ARNT2: variants seen among roughly 807,000 people sequenced by gnomAD.
The protein encoded by ARNT2 is aryl hydrocarbon receptor nuclear translocator 2.
ARNT2 carries 36 observed loss-of-function variants against 91.7 expected under a neutral mutation model. That is an observed-to-expected ratio of 0.39 (90% confidence interval 0.30 to 0.52). The LOEUF (loss-of-function observed/expected upper bound fraction) is 0.52, where lower values mean the gene tolerates loss of function less well. Among genes scored for constraint, ARNT2 ranks in the 20% least tolerant of loss-of-function variants. ARNT2 has a pLI of 0.72. For synonymous variants in ARNT2, 365 were observed against 347.1 expected, an observed-to-expected ratio of 1.05 and a Z score of -0.57; for missense variants, 775 against 939.3, an observed-to-expected ratio of 0.83 and a Z score of 2.29.
At chr15:80,532,959 G>C (rs559364038) in intron 8 of ARNT2, among the ~76,000 whole-genome samples, 1 of 152,332 alleles carries the variant, frequency 6.6e-6, no homozygotes, top group South Asian at 2.1e-4. Context: ...GAAGAGGAGA[G>C]AGTGGTGGGA....
At chr15:80,450,722 T>C (rs1242495137) in intron 1 of ARNT2, among the ~76,000 whole-genome samples, 158 bp from the exon 2 acceptor site, 1 of 152,244 alleles carries the variant, frequency 6.6e-6, no homozygotes, top group Non-Finnish European at 1.5e-5. Flanking sequence ...AGGAAAGACT[T>C]GCCCCAGCCA....
intron 5 of ARNT2, among the ~76,000 whole-genome samples, chr15:80,494,561 A>G (rs1043832136): frequency 1.3e-5 from 2 of 152,220 alleles, no homozygotes; most frequent in African/African-American, 4.8e-5. Flanking sequence ...ACTTTTGTCT[A>G]CAGATTAAAT....
At chr15:80,439,728 A>G (rs1313932924) in intron 1 of ARNT2, among the ~76,000 whole-genome samples, 1 of 152,018 alleles carries the variant, frequency 6.6e-6, no homozygotes, top group South Asian at 2.1e-4. Context: ...CCTACCTTTC[A>G]TATCCTCAGC....
At chr15:80,483,568 G>A (rs1425204804) in intron 5 of ARNT2, among the ~76,000 whole-genome samples, 1 of 152,176 alleles carries the variant, frequency 6.6e-6, no homozygotes, top group Non-Finnish European at 1.5e-5. Context: ...AGCAGCCTTA[G>A]GAACCTCACC....
intron 1 of ARNT2, among the ~76,000 whole-genome samples, chr15:80,439,682 A>G (rs745473918): frequency 1.3e-5 from 2 of 152,142 alleles, no homozygotes; most frequent in African/African-American, 2.4e-5. Context: ...CTGCCTTTGG[A>G]CAGTCAACAT....
At chr15:80,433,310 G>A (rs1473325154) in intron 1 of ARNT2, among the ~76,000 whole-genome samples, 1 of 81,488 alleles carries the variant, frequency 1.2e-5, no homozygotes, top group Admixed American at 1.2e-4. Context: ...TTTTGAGACC[G>A]AGTCTTGCTC....
intron 11 of ARNT2, chr15:80,555,394 G>T (rs1898162961): frequency 2.2e-6 from 1 of 450,716 alleles, no homozygotes; most frequent in Non-Finnish European, 4.0e-6. Flanking sequence ...AGAGGCTGGA[G>T]AGGTTAACTG....
intron 14 of ARNT2, among the ~76,000 whole-genome samples, 175 bp from the exon 15 acceptor site, chr15:80,576,691 T>C (rs1898681837): frequency 6.6e-6 from 1 of 152,138 alleles, no homozygotes; most frequent in Admixed American, 6.5e-5. Flanking sequence ...CCAGGGAGGC[T>C]CCAGGGGAGA....
At chr15:80,520,704 T>C (rs920098327) in intron 8 of ARNT2, among the ~76,000 whole-genome samples, 1 of 152,232 alleles carries the variant, frequency 6.6e-6, no homozygotes. Flanking sequence ...ATTGGATATG[T>C]TAATTAGGTA....
At chr15:80,530,154 T>C (rs1897712843) in intron 8 of ARNT2, among the ~76,000 whole-genome samples, 1 of 152,232 alleles carries the variant, frequency 6.6e-6, no homozygotes, top group Non-Finnish European at 1.5e-5. Context: ...GAGTTGAGAA[T>C]GGTTCCATCA....
At chr15:80,574,622 G>A (rs1898636868) in intron 13 of ARNT2, among the ~76,000 whole-genome samples, 1 of 152,140 alleles carries the variant, frequency 6.6e-6, no homozygotes, top group Admixed American at 6.5e-5. Flanking sequence ...TTCCTGTCAT[G>A]CTCTGAGCCT....
chr15:80,465,823 C>T lies in ARNT2; in HGVS notation c.195-4395C>T, dbSNP rs568769396. 2.0e-4 allele frequency among the ~76,000 whole-genome samples: 31 copies of T among 152,282 alleles called. No individual in the cohort carries two copies. The South Asian group carries it at 5.2e-3, about 25-fold the overall frequency. ...CATGTCCTAGGGTTCCTGGGTATTT[C>T]CTGGGACTTTTTCACAGGGAGCTCT... is the stretch of plus-strand genomic sequence containing the variant. On this transcript the variant is annotated intron_variant, in intron 3 of 18. Transcript: ENST00000303329.
rs558412927 is a variant in ARNT2, at chr15:80,485,918, G to A, written c.622+10695G>A. On this transcript the variant is annotated intron_variant, in intron 5 of 18. Coordinates refer to ENST00000303329, the MANE Select transcript of ARNT2 (RefSeq NM_014862.4). The stretch of plus-strand genomic sequence containing the variant: ...AGGAGTATAGTTTCCTCTGGCTGCC[G>A]TAGTACATTACTACAAACTGGGCAG... Among the ~76,000 whole-genome samples, 97 of 152,298 alleles carry A rather than the reference G, an allele frequency of 6.4e-4. No individual in the cohort carries two copies. The South Asian group carries it at 0.01, about 16-fold the overall frequency.
chr15:80,416,358 T>G (rs1895785882), intron 1 of ARNT2, among the ~76,000 whole-genome samples: 1 of 152,150 alleles, frequency 6.6e-6, no homozygotes, highest in African/African-American at 2.4e-5. Flanking sequence ...ATACACAATG[T>G]GCCTTCTAAC....
chr15:80,576,067 C>G (rs1401731796), intron 14 of ARNT2, among the ~76,000 whole-genome samples: 1 of 152,158 alleles, frequency 6.6e-6, no homozygotes, highest in East Asian at 1.9e-4. Flanking sequence ...CGCCTTCTTT[C>G]TGTTGGGAAA....
chr15:80,407,546 T>C (rs1895618275), intron 1 of ARNT2, among the ~76,000 whole-genome samples: 2 of 152,236 alleles, frequency 1.3e-5, no homozygotes, highest in African/African-American at 2.4e-5. Context: ...ATATTCCTCA[T>C]ATCCTGTGGC....
intron 4 of ARNT2, 115 bp downstream of exon 4, chr15:80,470,546 T>C (rs928854258): frequency 8.4e-7 from 1 of 1,191,346 alleles, no homozygotes; most frequent in Non-Finnish European, 1.2e-6. Context: ...GAAGCCAACA[T>C]GTTTTGTTTC....
intron 8 of ARNT2, among the ~76,000 whole-genome samples, chr15:80,537,592 C>T (rs1025319419): frequency 2.0e-5 from 3 of 152,190 alleles, no homozygotes; most frequent in Admixed American, 6.5e-5. Context: ...GTGATGCCTG[C>T]CATGGATACA....
chr15:80,485,355 C>A (rs999349653), intron 5 of ARNT2, among the ~76,000 whole-genome samples: 2 of 152,164 alleles, frequency 1.3e-5, no homozygotes, highest in South Asian at 4.1e-4. Context: ...ATTCATTCAT[C>A]CATTCATCCA....
Sources: gnomAD v4.1 joint callset for allele counts (sites outside exome capture counted in the v4.1 genomes callset) on GRCh38, gnomAD v4.1.1 for gene constraint, MANE v1.5 for transcripts, NCBI Gene and HGNC (gene_info 2026-07-23, HGNC 2026-07-21) for gene names.